PPARA: variants seen among roughly 807,000 people sequenced by gnomAD.
PPARA encodes peroxisome proliferator-activated receptor alpha.
PPARA carries 22 observed loss-of-function variants against 42.2 expected under a neutral mutation model. The observed-to-expected ratio is 0.52, with a 90% CI of 0.37 to 0.74. PPARA has a LOEUF of 0.74. Among genes scored for constraint, PPARA ranks in the 30% least tolerant of loss-of-function variants. The pLI is 0.00. For synonymous variants in PPARA, 242 were observed against 239.3 expected, an observed-to-expected ratio of 1.01 and a Z score of -0.10; for missense variants, 465 against 608.2, an observed-to-expected ratio of 0.76 and a Z score of 2.48.
Position 46,217,819 on chromosome 22 carries a change from C to CTTT in PPARA, c.370-417_370-415dup, listed in dbSNP as rs60894989. On this transcript the variant is annotated intron_variant, in intron 5 of 8. Transcript: ENST00000407236. ...GACTTCTTAGAAGAACTATTTCTTT[C>CTTT]TTTTTTTTTTTTTTTTTTTTTTTTT... Among the ~76,000 whole-genome samples, 256 of 77,052 alleles carry CTTT rather than the reference C, an allele frequency of 3.3e-3. 21 individuals carry two copies. Among genetic ancestry groups the CTTT allele is most frequent in the African/African-American group, 0.011 (171 of 16,184 alleles). 50.5% of individuals were successfully genotyped at this position (77,052 alleles called of 152,430 possible).
At position 46,225,839 on chromosome 22, in the gene PPARA, C is replaced by A. The variant is rs370704619; in HGVS notation, c.711+5825C>A. Among the ~76,000 whole-genome samples the A allele has an allele frequency of 8.4e-4, 126 of 150,524 alleles. No individual in the cohort carries two copies. The highest frequency in any genetic ancestry group is 3.0e-3 in the African/African-American group (124 of 40,848). ...CATGCACACAGACGCACCTCCACCC[C>A]CACACACGCACACACACACATGCAC... On this transcript the variant is annotated intron_variant, in intron 7 of 8. Transcript: ENST00000407236. This position sits in a 1 kb window ranked among gnomAD's most constrained non-coding sequence, Gnocchi z 4.1.
rs1350327101 is a variant in PPARA, at chr22:46,219,297, A to G, written c.509-515A>G. 6.6e-6 allele frequency among the ~76,000 whole-genome samples: 1 copy of G among 152,212 alleles called. No individual in the cohort carries two copies. Among genetic ancestry groups the G allele is most frequent in the Non-Finnish European group, 1.5e-5 (1 of 68,038 alleles). On this transcript the variant is annotated intron_variant, in intron 6 of 8. Transcript: ENST00000407236. This position sits in a 1 kb window ranked among gnomAD's most constrained non-coding sequence, Gnocchi z 4.8. ...AAGTGGAAGGCACCAAAATGACAGAATGTTCACCTCGTCCATAGGAAGGGT... is the reference window on the plus strand; with the variant it reads ...AAGTGGAAGGCACCAAAATGACAGAGTGTTCACCTCGTCCATAGGAAGGGT...
intron 2 of PPARA, among the ~76,000 whole-genome samples, chr22:46,169,538 A>G (rs966710078): frequency 2.0e-5 from 3 of 151,854 alleles, no homozygotes; most frequent in African/African-American, 7.2e-5. Context: ...CCGGCCACCA[A>G]TGCAAGATGT....
chr22:46,191,908 A>T lies in PPARA; in HGVS notation c.-42-6434A>T, dbSNP rs1188384124. The stretch of plus-strand genomic sequence containing the variant: ...TGGTGAAACCTTGTCTCTACTAAAA[A>T]TACAAAAGTAGCCGGGCGTGGTGGC... On this transcript the variant is annotated intron_variant, in intron 3 of 8. Transcript: ENST00000407236. The surrounding 1 kb of genome is among the most constrained non-coding windows in gnomAD (Gnocchi z 4.6). Among the ~76,000 whole-genome samples, 3 of 152,192 alleles carry T rather than the reference A, an allele frequency of 2.0e-5. No homozygotes were observed. Among genetic ancestry groups the T allele is most frequent in the African/African-American group, 7.2e-5 (3 of 41,450 alleles).
chr22:46,181,468 T>C (rs1929955790), intron 3 of PPARA, among the ~76,000 whole-genome samples: 1 of 151,834 alleles, frequency 6.6e-6, no homozygotes, highest in African/African-American at 2.4e-5. Context: ...GGAACGAAAG[T>C]GAGAGTGAGT....
At chr22:46,226,132 T>A (rs544084094) in intron 7 of PPARA, among the ~76,000 whole-genome samples, 1 of 150,416 alleles carries the variant, frequency 6.6e-6, no homozygotes, top group East Asian at 1.9e-4. Flanking sequence ...CCCACACACG[T>A]ACCCACACAT....
intron 2 of PPARA, among the ~76,000 whole-genome samples, chr22:46,153,648 C>G (rs566405769): frequency 1.2e-3 from 190 of 152,112 alleles, no homozygotes; most frequent in African/African-American, 4.3e-3. Flanking sequence ...ATGACAAGAT[C>G]AGGAGTTTGA....
Position 46,230,478 on chromosome 22 carries a change from C to T in PPARA, c.712-1314C>T, listed in dbSNP as rs905089578. 6.6e-6 allele frequency among the ~76,000 whole-genome samples: 1 copy of T among 152,222 alleles called. No homozygotes were observed. Among genetic ancestry groups the T allele is most frequent in the Non-Finnish European group, 1.5e-5 (1 of 68,036 alleles). Reference sequence around the variant, plus strand: ...AGATCTCTCAGATGTTGTCACTTTCCTGCTCTACCCGCAGATGTAAATTTC... The same window carrying T: ...AGATCTCTCAGATGTTGTCACTTTCTTGCTCTACCCGCAGATGTAAATTTC... On this transcript the variant is annotated intron_variant, in intron 7 of 8. Transcript: ENST00000407236. The surrounding 1 kb of genome is among the most constrained non-coding windows in gnomAD (Gnocchi z 5.0).
In PPARA at chr22:46,157,985, G is replaced by A. The variant is rs570680551; in HGVS notation, c.-127+6015G>A. Among the ~76,000 whole-genome samples, 10 of 152,300 alleles carry A rather than the reference G, an allele frequency of 6.6e-5. No individual in the cohort carries two copies. The South Asian group carries it at 1.9e-3, about 28-fold the overall frequency. On this transcript the variant is annotated intron_variant, in intron 2 of 8. Transcript: ENST00000407236. ...GCATCATTTTGAATAGTAAGAGTTA[G>A]GAAGGCAAATACAGAAGGACTAATG...
At chr22:46,174,276 A>AGGAAGGAAGGAAGGAAAGGAAGG (rs1236515954) in intron 2 of PPARA, among the ~76,000 whole-genome samples, 2 of 150,530 alleles carry the variant, frequency 1.3e-5, no homozygotes, top group Admixed American at 6.6e-5. Context: ...GAAGGAAGGA[A>AGGAAGGAAGGAAGGAAAGGAAGG]ATTATGATAA....
rs1569256026 is a variant in PPARA at position 46,235,117 on chromosome 22, CTT to C, written c.1160-15_1160-14del. The C allele has an allele frequency of 1.2e-6, 2 of 1,613,948 alleles. No homozygotes were observed. Among genetic ancestry groups the C allele is most frequent in the South Asian group, 2.2e-5 (2 of 91,048 alleles). ...GATTATCACACTCAAACCTCTCTCT[CTT>C]CTTTCGAGACTAGATCGTCCTGGCC... On this transcript the variant is annotated splice_polypyrimidine_tract_variant and intron_variant, in intron 8 of 8. Transcript: ENST00000407236. This position sits in a 1 kb window ranked among gnomAD's most constrained non-coding sequence, Gnocchi z 7.0.
At chr22:46,157,388 G>A (rs1253892437) in intron 2 of PPARA, among the ~76,000 whole-genome samples, 2 of 152,116 alleles carry the variant, frequency 1.3e-5, no homozygotes, top group South Asian at 2.1e-4. Flanking sequence ...CCACCGCAGC[G>A]AAATTGTCCC....
chr22:46,198,258 A>AG, intron 3 of PPARA, 84 bp from the exon 4 acceptor site: 3 of 498,764 alleles, frequency 6.0e-6, no homozygotes, highest in Non-Finnish European at 6.2e-6. Flanking sequence ...AAAAAAGAAT[A>AG]AATAAATAAA....
At chr22:46,197,521 G>C (rs1932416637) in intron 3 of PPARA, among the ~76,000 whole-genome samples, 1 of 152,244 alleles carries the variant, frequency 6.6e-6, no homozygotes, top group African/African-American at 2.4e-5. Flanking sequence ...CTGATCAAGA[G>C]ACAAGCCTGG....
At chr22:46,198,185 C>G (rs1381226481) in intron 3 of PPARA, among the ~76,000 whole-genome samples, 157 bp from the exon 4 acceptor site, 4 of 143,710 alleles carry the variant, frequency 2.8e-5, no homozygotes, top group Non-Finnish European at 4.5e-5. Flanking sequence ...TTGCAGTGAG[C>G]CGAGATTGTG....
chr22:46,217,305 A>G (rs1934580559), intron 5 of PPARA, among the ~76,000 whole-genome samples: 1 of 152,226 alleles, frequency 6.6e-6, no homozygotes, highest in African/African-American at 2.4e-5. Context: ...AGCAAAGAGA[A>G]AAAAGAACCC....
At chr22:46,174,190 AAGAGAG>A (rs150359508) in intron 2 of PPARA, among the ~76,000 whole-genome samples, 1,622 of 126,832 alleles carry the variant, frequency 0.013, 41 homozygotes, top group African/African-American at 0.047. Flanking sequence ...AGAAGGAAGA[AAGAGAG>A]AGAGAGAGAG....
rs537492571 is a variant in PPARA at position 46,221,911 on chromosome 22, A to G, written c.711+1897A>G. Among the ~76,000 whole-genome samples the G allele has an allele frequency of 3.9e-5, 6 of 152,172 alleles. No homozygotes were observed. In the South Asian group the frequency reaches 1.2e-3, roughly 32 times the overall value. On this transcript the variant is annotated intron_variant, in intron 7 of 8. Transcript: ENST00000407236. The surrounding 1 kb of genome is among the most constrained non-coding windows in gnomAD (Gnocchi z 5.9). ...GCCAACATGGTGAAACCCCATCTCT[A>G]TTAAAAATACAAAAAATTAGCTGGG...
chr22:46,177,016 C>T lies in PPARA; in HGVS notation c.-43+180C>T, dbSNP rs556585583. On this transcript the variant is annotated intron_variant, in intron 3 of 8. Coordinates refer to ENST00000407236, the MANE Select transcript of PPARA (RefSeq NM_005036.6). ...ACGAGGTTAGGAGATTGAGACCATC[C>T]TGGCTAACACAGTGAAACCCTGTCT... Among the ~76,000 whole-genome samples the T allele has an allele frequency of 3.0e-4, 45 of 152,314 alleles. No homozygotes were observed. In the East Asian group the frequency reaches 5.6e-3, roughly 19 times the overall value.
Sources: gnomAD v4.1 joint callset for allele counts (sites outside exome capture counted in the v4.1 genomes callset) on GRCh38, gnomAD v4.1.1 for gene constraint, Gnocchi (gnomAD v3.1) non-coding constraint, MANE v1.5 for transcripts, NCBI Gene and HGNC (gene_info 2026-07-23, HGNC 2026-07-21) for gene names.